The following CADM2 variants were observed in gnomAD, a reference collection of about 807,000 sequenced individuals.
CADM2 encodes cell adhesion molecule 2.
Under a neutral mutation model 49.8 loss-of-function variants are expected in CADM2, and 12 were observed. The observed-to-expected ratio is 0.24, with a 90% CI of 0.15 to 0.39. The LOEUF is 0.39. CADM2 is among the 10% of genes least tolerant of loss of function. The pLI is 1.00. For missense variants in CADM2, 378 were observed against 492.3 expected (o/e 0.77, Z 2.20); for synonymous variants, 214 against 175.4 (o/e 1.22, Z -1.74).
At chr3:85,813,643 G>T (rs573972204) in intron 3 of CADM2, among the ~76,000 whole-genome samples, 3 of 152,314 alleles carry the variant, frequency 2.0e-5, no homozygotes, top group African/African-American at 7.2e-5. Context: ...TATTGTTCAG[G>T]TTATCTTCTA....
chr3:85,511,040 C>A (rs1420033697), intron 1 of CADM2, among the ~76,000 whole-genome samples: 1 of 151,924 alleles, frequency 6.6e-6, no homozygotes, highest in African/African-American at 2.4e-5. Context: ...ACATTTATAA[C>A]CCCAATAAGG....
chr3:85,488,515 A>C (rs9849399), intron 1 of CADM2, among the ~76,000 whole-genome samples: 25,634 of 151,724 alleles, frequency 0.17, 2,674 homozygotes, highest in Non-Finnish European at 0.23. Flanking sequence ...TTTATTATTT[A>C]TTTATTTTTG....
Position 85,843,414 on chromosome 3 carries a change from T to C in CADM2, c.239-39877T>C, listed in dbSNP as rs544982943. 3.3e-5 allele frequency among the ~76,000 whole-genome samples: 5 copies of C among 150,746 alleles called. No individual in the cohort carries two copies. In the East Asian group the frequency reaches 9.7e-4, roughly 29 times the overall value. On this transcript the variant is annotated intron_variant, in intron 3 of 9. Transcript: ENST00000383699. ...GCCCCCCAACCTTTTCTTTCTCTCTTTAGTGGAAAGTTACAATAGGATATA... is the reference window on the plus strand; with the variant it reads ...GCCCCCCAACCTTTTCTTTCTCTCTCTAGTGGAAAGTTACAATAGGATATA...
intron 1 of CADM2, among the ~76,000 whole-genome samples, chr3:85,319,246 A>G (rs1030589442): frequency 6.6e-6 from 1 of 152,208 alleles, no homozygotes; most frequent in African/African-American, 2.4e-5. Flanking sequence ...TCACAATGAA[A>G]TACCATCTCA....
At chr3:85,995,269 A>T (rs1729243751) in intron 8 of CADM2, among the ~76,000 whole-genome samples, 1 of 152,150 alleles carries the variant, frequency 6.6e-6, no homozygotes, top group Non-Finnish European at 1.5e-5. Context: ...CAATATACAG[A>T]TTTTGGAATG....
intron 1 of CADM2, among the ~76,000 whole-genome samples, chr3:85,351,529 A>G (rs1233345588): frequency 6.6e-6 from 1 of 152,160 alleles, no homozygotes. Flanking sequence ...ATGACCTTGA[A>G]TATTTAACCA....
chr3:85,137,439 C>T (rs963051487), intron 1 of CADM2, among the ~76,000 whole-genome samples: 14 of 151,986 alleles, frequency 9.2e-5, no homozygotes, highest in African/African-American at 2.4e-4. Context: ...AACAACACAA[C>T]GTATTTCCCT....
At chr3:85,744,682 G>A (rs747633974) in intron 2 of CADM2, among the ~76,000 whole-genome samples, 2 of 152,076 alleles carry the variant, frequency 1.3e-5, no homozygotes. Context: ...CAGAGCAAGG[G>A]CCCCAAGGCA....
chr3:85,160,461 G>T (rs1265956421), intron 1 of CADM2, among the ~76,000 whole-genome samples: 2 of 152,090 alleles, frequency 1.3e-5, no homozygotes, highest in African/African-American at 2.4e-5. Context: ...CACACACTCA[G>T]TCCCAAACAC....
intron 3 of CADM2, among the ~76,000 whole-genome samples, chr3:85,836,420 T>A (rs977200345): frequency 4.0e-5 from 6 of 151,680 alleles, no homozygotes; most frequent in Admixed American, 6.6e-5. Flanking sequence ...AATTAAAATT[T>A]TTTAGAAACA....
chr3:85,766,855 A>G (rs1432170771), intron 2 of CADM2, among the ~76,000 whole-genome samples: 1 of 152,126 alleles, frequency 6.6e-6, no homozygotes, highest in Non-Finnish European at 1.5e-5. Context: ...ATTTCATTCA[A>G]CTTGATAATA....
intron 1 of CADM2, among the ~76,000 whole-genome samples, chr3:85,016,844 A>G (rs144031514): frequency 2.1e-4 from 32 of 152,210 alleles, no homozygotes; most frequent in African/African-American, 6.7e-4. Flanking sequence ...AAAACTCCAA[A>G]CTACAGCCAA....
chr3:85,401,510 G>A (rs576569835), intron 1 of CADM2, among the ~76,000 whole-genome samples: 3 of 152,082 alleles, frequency 2.0e-5, no homozygotes, highest in Non-Finnish European at 1.5e-5. Context: ...AGGAGGAAAG[G>A]AGCAGGGGTC....
At chr3:85,344,552 A>G (rs558750393) in intron 1 of CADM2, among the ~76,000 whole-genome samples, 2 of 152,074 alleles carry the variant, frequency 1.3e-5, no homozygotes, top group African/African-American at 2.4e-5. Context: ...GAAGTGGGGA[A>G]TGGAAGACTT....
rs752550030 is a variant in CADM2 at position 86,068,340 on chromosome 3, C to G, written c.*1557C>G. 71 of 151,702 alleles carry G rather than the reference C, an allele frequency of 4.7e-4. No individual in the cohort carries two copies. The highest frequency in any genetic ancestry group is 8.0e-4 in the Non-Finnish European group (54 of 67,814). The allele number at this position is 151,702 out of a possible 1,614,324, so 9.4% of individuals were successfully genotyped here. ...AAAATAAAATATTGTTAGATTAGTT[C>G]TCATTAAATTTATTATATGCTAAAG... On this transcript the variant is annotated 3_prime_UTR_variant, in exon 10 of 10. Coordinates refer to ENST00000383699, the MANE Select transcript of CADM2 (RefSeq NM_001167675.2).
chr3:85,982,466 A>T (rs908545660), intron 8 of CADM2, among the ~76,000 whole-genome samples: 1 of 151,638 alleles, frequency 6.6e-6, no homozygotes, highest in Admixed American at 6.6e-5. Context: ...GTAAGCTGGG[A>T]AGTTCATATT....
In CADM2 at chr3:85,355,024, G is replaced by A. The variant is rs111851423; in HGVS notation, c.62-371498G>A. ...ATGCTAATGTCAAGCTTGGGTCGAC[G>A]CTCAAACTTCAGAGCGTGTCGATGC... On this transcript the variant is annotated intron_variant, in intron 1 of 9. Transcript: ENST00000383699. 3.6e-3 allele frequency among the ~76,000 whole-genome samples: 549 copies of A among 152,146 alleles called. 1 individual carries two copies. Among genetic ancestry groups the A allele is most frequent in the African/African-American group, 0.012 (480 of 41,530 alleles).
At chr3:85,117,512 T>G (rs1378538510) in intron 1 of CADM2, among the ~76,000 whole-genome samples, 2 of 152,146 alleles carry the variant, frequency 1.3e-5, no homozygotes, top group Non-Finnish European at 2.9e-5. Flanking sequence ...GTAGGTGCTA[T>G]AGACTAGAAT....
In CADM2 at chr3:85,956,334, G is replaced by A. The variant is rs548900296; in HGVS notation, c.792-5135G>A. 2.6e-5 allele frequency among the ~76,000 whole-genome samples: 4 copies of A among 151,560 alleles called. No individual in the cohort carries two copies. In the South Asian group the frequency reaches 6.2e-4, roughly 24 times the overall value. On this transcript the variant is annotated intron_variant, in intron 7 of 9. Coordinates refer to ENST00000383699, the MANE Select transcript of CADM2 (RefSeq NM_001167675.2). ...GGTTCCAATTAGAGAAAGCCTAGGG[G>A]GCCCTCTTTATTAAGATGAAACACA...
Sources: allele counts gnomAD v4.1 joint callset (sites outside exome capture counted in the v4.1 genomes callset), GRCh38; gene constraint gnomAD v4.1.1; transcripts MANE v1.5; gene names NCBI Gene and HGNC (gene_info 2026-07-23, HGNC 2026-07-21).